The following XXYLT1 variants were observed in gnomAD, a reference collection of about 807,000 sequenced individuals.
XXYLT1 encodes the protein UDP-xylose:alpha-xyloside alpha-1,3-xylosyltransferase.
A neutral mutation model predicts 28.9 loss-of-function variants in XXYLT1; 20 were observed. That is an observed-to-expected ratio of 0.69 (90% CI 0.49 to 1.00). The LOEUF (loss-of-function observed/expected upper bound fraction) is 1.00, where lower values mean the gene tolerates loss of function less well. XXYLT1 is among the 50% of genes least tolerant of loss of function. XXYLT1 has a pLI of 0.00. For missense variants in XXYLT1, 542 were observed against 560.1 expected (o/e 0.97, Z 0.33); for synonymous variants, 257 against 253.8 (o/e 1.01, Z -0.12).
chr3:195,145,789 G>C (rs1423728476), intron 3 of XXYLT1, among the ~76,000 whole-genome samples: 1 of 152,190 alleles, frequency 6.6e-6, no homozygotes, highest in Non-Finnish European at 1.5e-5. Flanking sequence ...GCCAATTCTG[G>C]CTCAGCTTCC....
intron 3 of XXYLT1, among the ~76,000 whole-genome samples, chr3:195,095,026 T>C (rs562865604): frequency 1.3e-5 from 2 of 152,294 alleles, no homozygotes; most frequent in East Asian, 3.9e-4. Context: ...AAATGCAGAC[T>C]GGGATTCCGC....
At chr3:195,266,782 C>T (rs1725863492) in intron 1 of XXYLT1, among the ~76,000 whole-genome samples, 3 of 152,146 alleles carry the variant, frequency 2.0e-5, no homozygotes, top group Non-Finnish European at 2.9e-5. Flanking sequence ...GACTTCCAGG[C>T]CCCACCCAGG....
intron 3 of XXYLT1, among the ~76,000 whole-genome samples, chr3:195,091,033 CA>C (rs1042876965): frequency 2.0e-5 from 3 of 150,734 alleles, no homozygotes; most frequent in Admixed American, 6.6e-5. Context: ...TGGCAATAAT[CA>C]ATAGCTTACC....
chr3:195,223,252 TA>T (rs1371977141), intron 2 of XXYLT1, among the ~76,000 whole-genome samples: 2 of 151,962 alleles, frequency 1.3e-5, no homozygotes, highest in Non-Finnish European at 2.9e-5. Flanking sequence ...AAGCACATTT[TA>T]AAAATAGTTT....
intron 3 of XXYLT1, among the ~76,000 whole-genome samples, chr3:195,095,046 A>C (rs1203212601): frequency 6.6e-6 from 1 of 152,236 alleles, no homozygotes; most frequent in Non-Finnish European, 1.5e-5. Context: ...CATCGCTGAC[A>C]AGCCCCCAGG....
At chr3:195,186,286 T>G (rs73063140) in intron 2 of XXYLT1, among the ~76,000 whole-genome samples, 3,398 of 152,246 alleles carry the variant, frequency 0.022, 138 homozygotes, top group African/African-American at 0.078. Flanking sequence ...GAAGAACGCA[T>G]GCAAAAGTAC....
chr3:195,241,683 CCCCCAGAACCTTCTG>C (rs919747601), intron 1 of XXYLT1, among the ~76,000 whole-genome samples: 2 of 152,110 alleles, frequency 1.3e-5, no homozygotes, highest in African/African-American at 4.8e-5. Flanking sequence ...AGAGAACCCT[CCCCCAGAACCTTCTG>C]CCTGAATCCT....
At chr3:195,159,085 G>A (rs748478349) in intron 2 of XXYLT1, among the ~76,000 whole-genome samples, 1 of 152,138 alleles carries the variant, frequency 6.6e-6, no homozygotes, top group East Asian at 1.9e-4. Context: ...ATAAATGAAC[G>A]AGATAACTGC....
Position 195,233,877 on chromosome 3 carries a change from C to A in XXYLT1, c.505-7021G>T, listed in dbSNP as rs1724407365. Among the ~76,000 whole-genome samples the A allele has an allele frequency of 2.6e-5, 4 of 152,272 alleles. No individual in the cohort carries two copies. The South Asian group carries it at 8.3e-4, about 32-fold the overall frequency. ...ATGATTTCTTATTGCTCATTAACATCCTTTTATTTCAGACTAAATAAATCC... is the reference window on the plus strand; with the variant it reads ...ATGATTTCTTATTGCTCATTAACATACTTTTATTTCAGACTAAATAAATCC... On this transcript the variant is annotated intron_variant, in intron 1 of 3. Transcript: ENST00000310380.
intron 2 of XXYLT1, among the ~76,000 whole-genome samples, chr3:195,224,584 C>T (rs1181952525): frequency 2.0e-5 from 3 of 152,220 alleles, no homozygotes; most frequent in Non-Finnish European, 4.4e-5. Context: ...CCACGAGGAG[C>T]TGTATTTCAC....
chr3:195,100,894 G>A (rs112021935), intron 3 of XXYLT1, among the ~76,000 whole-genome samples: 3 of 152,374 alleles, frequency 2.0e-5, no homozygotes, highest in Admixed American at 6.5e-5. Context: ...GCCTAACCCT[G>A]TGCCTGGCAC....
chr3:195,237,183 T>C (rs768320173), intron 1 of XXYLT1, among the ~76,000 whole-genome samples: 1 of 150,634 alleles, frequency 6.6e-6, no homozygotes, highest in Non-Finnish European at 1.5e-5. Flanking sequence ...GCAGTCCTTG[T>C]GGCCTGGTTT....
intron 1 of XXYLT1, among the ~76,000 whole-genome samples, chr3:195,251,492 T>C (rs561115877): frequency 1.3e-5 from 2 of 152,218 alleles, no homozygotes; most frequent in Non-Finnish European, 2.9e-5. Flanking sequence ...CAGACGCCTG[T>C]GAAGCTGCGC....
intron 2 of XXYLT1, among the ~76,000 whole-genome samples, chr3:195,222,241 C>T (rs958982867): frequency 6.6e-6 from 1 of 152,184 alleles, no homozygotes; most frequent in African/African-American, 2.4e-5. Context: ...CTGAGAACTC[C>T]CAGGGCAAGG....
intron 2 of XXYLT1, among the ~76,000 whole-genome samples, chr3:195,192,123 A>G (rs112416028): frequency 0.012 from 1,782 of 152,342 alleles, 30 homozygotes; most frequent in African/African-American, 0.041. Context: ...ACAAGTCTCA[A>G]TAAATTTAAA....
At chr3:195,260,916 G>C (rs1725678110) in intron 1 of XXYLT1, among the ~76,000 whole-genome samples, 1 of 152,212 alleles carries the variant, frequency 6.6e-6, no homozygotes, top group Admixed American at 6.5e-5. Flanking sequence ...GGATTTATTG[G>C]GGGTGTCATC....
intron 1 of XXYLT1, among the ~76,000 whole-genome samples, chr3:195,265,318 G>A (rs1187616606): frequency 6.6e-6 from 1 of 150,386 alleles, no homozygotes; most frequent in Non-Finnish European, 1.5e-5. Context: ...AGTGAGCCAA[G>A]ATCGCACCCT....
At chr3:195,254,562 G>C (rs1216253514) in intron 1 of XXYLT1, among the ~76,000 whole-genome samples, 1 of 152,228 alleles carries the variant, frequency 6.6e-6, no homozygotes, top group East Asian at 1.9e-4. Flanking sequence ...TGAAGCATCT[G>C]GAACCTGGGC....
chr3:195,068,737 C>T lies in XXYLT1; in HGVS notation c.*978G>A, dbSNP rs1009071757. 2 of 152,208 alleles carry T rather than the reference C, an allele frequency of 1.3e-5. No homozygotes were observed. Among genetic ancestry groups the T allele is most frequent in the African/African-American group, 2.4e-5 (1 of 41,420 alleles). The allele number at this position is 152,208 out of a possible 1,614,324, so 9.4% of individuals were successfully genotyped here. A position where few individuals can be genotyped will look rare whatever the true frequency, so the allele number is the denominator to read the frequency against. ...CCGGGACAACAAGCACAAGCCACCA[C>T]ACCTGGCTAATTTTTAAAATATTTT... On this transcript the variant is annotated 3_prime_UTR_variant, in exon 4 of 4. Transcript: ENST00000310380.
Sources: gnomAD v4.1 joint callset for allele counts (sites outside exome capture counted in the v4.1 genomes callset) on GRCh38, gnomAD v4.1.1 for gene constraint, MANE v1.5 for transcripts, NCBI Gene and HGNC (gene_info 2026-07-23, HGNC 2026-07-21) for gene names.